Variants in ADAMTS20 observed in about 807,000 individuals in gnomAD.
The protein encoded by ADAMTS20 is A disintegrin and metalloproteinase with thrombospondin motifs 20.
In ADAMTS20, 225 loss-of-function variants were observed where a neutral mutation model predicts 260.1. The observed-to-expected ratio is 0.87, with a 90% CI of 0.78 to 0.97. The LOEUF is 0.97. ADAMTS20 is among the 50% of genes least tolerant of loss of function. ADAMTS20 has a pLI of 0.00. For synonymous variants in ADAMTS20, 802 were observed against 769.5 expected, an observed-to-expected ratio of 1.04 and a Z score of -0.70; for missense variants, 2,400 against 2,337.7, an observed-to-expected ratio of 1.03 and a Z score of -0.55.
At position 43,551,276 on chromosome 12, in the gene ADAMTS20, A is replaced by C; in HGVS notation, c.92-6T>G. ...CAGTGTCCTCACCAGGGCTTCTGCA[A>C]CAACAGCGACAGGACCAGTGAGCTC... On this transcript the variant is annotated splice_polypyrimidine_tract_variant and splice_region_variant and intron_variant, in intron 1 of 38. Coordinates refer to ENST00000389420, the MANE Select transcript of ADAMTS20 (RefSeq NM_025003.5). The surrounding 1 kb of genome is among the most constrained non-coding windows in gnomAD (Gnocchi z 4.6). 6.2e-7 allele frequency: 1 copy of C among 1,607,846 alleles called. No homozygotes were observed. The highest frequency in any genetic ancestry group is 8.5e-7 in the Non-Finnish European group (1 of 1,175,656).
intron 6 of ADAMTS20, 121 bp downstream of exon 6, chr12:43,492,384 A>AAAAAG (rs1565570645): frequency 3.6e-6 from 4 of 1,125,840 alleles, no homozygotes; most frequent in Non-Finnish European, 3.6e-6. Context: ...TGTCTCAAAA[A>AAAAAG]AAAAAGAAAA....
chr12:43,491,692 C>A (rs1286072333), intron 6 of ADAMTS20, among the ~76,000 whole-genome samples: 2 of 152,062 alleles, frequency 1.3e-5, no homozygotes, highest in African/African-American at 4.8e-5. Context: ...ACAACCCTAG[C>A]AAAGGTAGCC....
chr12:43,401,447 A>G (rs1378297866), intron 28 of ADAMTS20, among the ~76,000 whole-genome samples: 1 of 151,928 alleles, frequency 6.6e-6, no homozygotes, highest in African/African-American at 2.4e-5. Flanking sequence ...CCAAATTCTA[A>G]TTAAGAATTC....
Position 43,462,972 on chromosome 12 carries a change from T to G in ADAMTS20, c.1537A>C (p.Ser513Arg), listed in dbSNP as rs369968762. 2.6e-5 allele frequency: 41 copies of G among 1,607,768 alleles called. No individual in the cohort carries two copies. In the African/African-American group the frequency reaches 5.1e-4, roughly 20 times the overall value. ...INICMHLWCT[S>R]TEKLHKGCFT... is the part of the protein sequence containing the mutation. The stretch of plus-strand genomic sequence containing the variant: ...CAGCCTTTGTGAAGCTTTTCTGTGC[T>G]TGTGCACCACAGATGCATGCATATA... The change falls in exon 11 of 39, where the codon AGC becomes CGC. Residue 513 changes from serine to arginine, a missense_variant. Coordinates refer to ENST00000389420, the MANE Select transcript of ADAMTS20 (RefSeq NM_025003.5).
At chr12:43,496,031 G>A (rs1942673249) in intron 4 of ADAMTS20, among the ~76,000 whole-genome samples, 1 of 152,032 alleles carries the variant, frequency 6.6e-6, no homozygotes, top group Non-Finnish European at 1.5e-5. Context: ...AGGCCCATTT[G>A]GTACTCAGAG....
intron 29 of ADAMTS20, among the ~76,000 whole-genome samples, chr12:43,395,291 A>G (rs1940676187): frequency 6.6e-6 from 1 of 152,126 alleles, no homozygotes; most frequent in Non-Finnish European, 1.5e-5. Flanking sequence ...GATTCTTAGG[A>G]GCTTTAGGGA....
Position 43,369,317 on chromosome 12 carries a change from AT to A in ADAMTS20, c.5510del (p.Asp1837ValfsTer22). 1.3e-6 allele frequency: 2 copies of A among 1,556,790 alleles called. No homozygotes were observed. The highest frequency in any genetic ancestry group is 1.7e-6 in the Non-Finnish European group (2 of 1,152,846). ...GTGGGCATCTGAAAGCACTGTAGCA[AT>A]CTCCAGCTGTGGCAAATGGAACTGC... Reference protein sequence around the residue: ...GNAVPFATAGDCYSAFRCPQG... With the variant: ...GNAVPFATAGXCYSAFRCPQG... On this transcript the variant is annotated frameshift_variant, in exon 37 of 39. Transcript: ENST00000389420. LOFTEE classifies it high-confidence loss of function.
chr12:43,389,697 T>G (rs1164355174), intron 29 of ADAMTS20, among the ~76,000 whole-genome samples: 1 of 151,768 alleles, frequency 6.6e-6, no homozygotes, highest in African/African-American at 2.4e-5. Context: ...AGGTTTTTTT[T>G]GTTTTTGTTT....
In ADAMTS20 at chr12:43,432,600, C is replaced by T. The variant is rs1941468622; in HGVS notation, c.2931+1G>A. 1 of 1,613,520 alleles carries T rather than the reference C, an allele frequency of 6.2e-7. No individual in the cohort carries two copies. Among genetic ancestry groups the T allele is most frequent in the Non-Finnish European group, 8.5e-7 (1 of 1,179,668 alleles). ...TTTTTAAGCAATCATTTTTATTGTA[C>T]CTGAGACCATTCTGAATAATGCCAT... On this transcript the variant is annotated splice_donor_variant, in intron 20 of 38. Transcript: ENST00000389420. LOFTEE classifies it high-confidence loss of function.
intron 12 of ADAMTS20, among the ~76,000 whole-genome samples, chr12:43,452,926 T>C (rs1941897403): frequency 6.6e-6 from 1 of 152,180 alleles, no homozygotes; most frequent in Admixed American, 6.5e-5. Context: ...ACCTTATTCT[T>C]GACTAGGTTA....
At chr12:43,405,229 C>CAA (rs869040570) in intron 28 of ADAMTS20, among the ~76,000 whole-genome samples, 704 of 52,690 alleles carry the variant, frequency 0.013, 45 homozygotes, top group Middle Eastern at 0.042. Context: ...CTCATCTCTA[C>CAA]AAAAAAAAAA....
intron 7 of ADAMTS20, among the ~76,000 whole-genome samples, chr12:43,479,543 C>T (rs1475573960): frequency 1.3e-5 from 2 of 152,060 alleles, no homozygotes; most frequent in African/African-American, 2.4e-5. Flanking sequence ...AGTCTCCACA[C>T]ATTCATAAAT....
At chr12:43,408,647 A>T (rs1383708118) in intron 28 of ADAMTS20, among the ~76,000 whole-genome samples, 1 of 152,134 alleles carries the variant, frequency 6.6e-6, no homozygotes, top group Non-Finnish European at 1.5e-5. Context: ...GACCATACCC[A>T]CTGCACATAT....
At chr12:43,465,247 CAG>C (rs1377841445) in intron 9 of ADAMTS20, among the ~76,000 whole-genome samples, 1 of 152,056 alleles carries the variant, frequency 6.6e-6, no homozygotes, top group East Asian at 1.9e-4. Flanking sequence ...GGGAGTATAG[CAG>C]AGTCAAGATC....
intron 3 of ADAMTS20, among the ~76,000 whole-genome samples, chr12:43,521,031 T>A (rs748236503): frequency 3.9e-5 from 6 of 152,244 alleles, no homozygotes; most frequent in Admixed American, 1.3e-4. Flanking sequence ...CAGTGGCCAA[T>A]GGACAGCTCA....
At chr12:43,399,653 T>A (rs1323229400) in intron 28 of ADAMTS20, among the ~76,000 whole-genome samples, 1 of 152,138 alleles carries the variant, frequency 6.6e-6, no homozygotes, top group Non-Finnish European at 1.5e-5. Flanking sequence ...AAGTATGTTT[T>A]CTATGTTAAA....
intron 31 of ADAMTS20, 85 bp from the exon 32 acceptor site, chr12:43,377,647 G>GCAT: frequency 6.5e-6 from 7 of 1,071,768 alleles, no homozygotes; most frequent in Middle Eastern, 2.7e-4. Context: ...TATATATTAT[G>GCAT]CTGTGTCATT....
intron 29 of ADAMTS20, among the ~76,000 whole-genome samples, chr12:43,394,566 C>A (rs1940661627): frequency 6.6e-6 from 1 of 152,052 alleles, no homozygotes; most frequent in African/African-American, 2.4e-5. Flanking sequence ...GACATTTTTA[C>A]ATTAAAAACT....
chr12:43,374,298 T>C (rs907156441), intron 36 of ADAMTS20, among the ~76,000 whole-genome samples: 1 of 152,168 alleles, frequency 6.6e-6, no homozygotes, highest in Non-Finnish European at 1.5e-5. Flanking sequence ...TTCATGCATA[T>C]ACTGTCTTAA....
Sources: allele counts gnomAD v4.1 joint callset (sites outside exome capture counted in the v4.1 genomes callset), GRCh38; gene constraint gnomAD v4.1.1; non-coding constraint Gnocchi (gnomAD v3.1); transcripts MANE v1.5; gene names NCBI Gene and HGNC (gene_info 2026-07-23, HGNC 2026-07-21).